Variants in ERG observed in about 807,000 individuals in gnomAD.
ERG encodes the protein transcriptional regulator ERG.
In ERG, 9 loss-of-function variants were observed where a neutral mutation model predicts 55.3. The ratio of observed to expected loss-of-function variants is 0.16; its 90% confidence interval spans 0.10 to 0.28. The LOEUF (loss-of-function observed/expected upper bound fraction) is 0.28. Among genes scored for constraint, ERG ranks in the 10% least tolerant of loss-of-function variants. The pLI, the probability that ERG is intolerant of heterozygous loss-of-function variation, is 1.00. For missense variants in ERG, 434 were observed against 631.6 expected, an observed-to-expected ratio of 0.69 and a Z score of 3.35; for synonymous variants, 223 against 237.3, an observed-to-expected ratio of 0.94 and a Z score of 0.55.
intron 3 of ERG, among the ~76,000 whole-genome samples, chr21:38,406,379 ACT>A (rs1400227882): frequency 1.8e-4 from 27 of 152,096 alleles, no homozygotes; most frequent in Non-Finnish European, 4.4e-5. Flanking sequence ...AGTTCAGATG[ACT>A]CTTCGTCATT....
Position 38,604,978 on chromosome 21 carries a change from C to T in ERG, c.-149-20033G>A, listed in dbSNP as rs955484824. Among the ~76,000 whole-genome samples, 4 of 152,318 alleles carry T rather than the reference C, an allele frequency of 2.6e-5. No individual in the cohort carries two copies. In the East Asian group the frequency reaches 7.7e-4, roughly 29 times the overall value. Reference sequence around the variant, plus strand: ...CTTCTTTCTAACTGAAGATTCTGCTCTCGTTCCCCTTAAAACAATCTTCAG... The same window carrying T: ...CTTCTTTCTAACTGAAGATTCTGCTTTCGTTCCCCTTAAAACAATCTTCAG... On this transcript the variant is annotated intron_variant, in intron 1 of 10. Coordinates refer to the ERG transcript ENST00000398910.
intron 2 of ERG, among the ~76,000 whole-genome samples, chr21:38,551,556 TTCA>T (rs920357262): frequency 3.3e-5 from 5 of 152,224 alleles, no homozygotes; most frequent in African/African-American, 1.2e-4. Flanking sequence ...TATCTTTGTT[TTCA>T]TTTGTTTCAA....
intron 2 of ERG, among the ~76,000 whole-genome samples, chr21:38,434,067 A>C (rs896137762): frequency 3.3e-5 from 5 of 152,026 alleles, no homozygotes; most frequent in Admixed American, 1.3e-4. Context: ...CCCATGTCCA[A>C]CCTAACCCCC....
chr21:38,449,134 A>G (rs1388321256), intron 1 of ERG: 1 of 152,222 alleles, frequency 6.6e-6, no homozygotes, highest in Non-Finnish European at 1.5e-5. Flanking sequence ...CAGTGGCTTT[A>G]TAACAGAGAA....
chr21:38,423,697 C>G (rs1290997932), intron 2 of ERG, 136 bp from the exon 3 acceptor site: 4 of 921,050 alleles, frequency 4.3e-6, no homozygotes, highest in Non-Finnish European at 6.4e-6. Flanking sequence ...GTGTGAAAAG[C>G]CAAATACAGG....
the ERG span, among the ~76,000 whole-genome samples, chr21:38,371,587 T>G: frequency 6.6e-6 from 1 of 152,062 alleles, no homozygotes; most frequent in Non-Finnish European, 1.5e-5. Context: ...AAGATATAGA[T>G]GCTTAATTTT....
intron 1 of ERG, among the ~76,000 whole-genome samples, chr21:38,580,954 G>T (rs972667450): frequency 1.3e-5 from 2 of 152,138 alleles, no homozygotes; most frequent in African/African-American, 4.8e-5. Context: ...CGGGTTAGGG[G>T]ATGCATATAG....
intron 3 of ERG, among the ~76,000 whole-genome samples, chr21:38,422,938 G>A (rs2146500651): frequency 6.6e-6 from 1 of 152,222 alleles, no homozygotes; most frequent in African/African-American, 2.4e-5. Context: ...AGGATATTTG[G>A]AACAATAATC....
At chr21:38,481,699 T>C (rs2059239957) in intron 1 of ERG, among the ~76,000 whole-genome samples, 1 of 152,222 alleles carries the variant, frequency 6.6e-6, no homozygotes, top group Non-Finnish European at 1.5e-5. Context: ...ATTTATATAA[T>C]AAGTACTGTG....
At chr21:38,375,045 C>G (rs1411377574), downstream of ERG, among the ~76,000 whole-genome samples, 1 of 152,152 alleles carries the variant, frequency 6.6e-6, no homozygotes, top group Non-Finnish European at 1.5e-5. Context: ...GTATGAGTAT[C>G]CTCATACTCA....
At chr21:38,505,510 T>C (rs1448659838) in intron 2 of ERG, among the ~76,000 whole-genome samples, 4 of 152,220 alleles carry the variant, frequency 2.6e-5, no homozygotes, top group African/African-American at 4.8e-5. Flanking sequence ...ACTGAAATGA[T>C]GATATCAGTA....
At chr21:38,435,045 C>G (rs1366459671) in intron 2 of ERG, among the ~76,000 whole-genome samples, 5 of 152,236 alleles carry the variant, frequency 3.3e-5, no homozygotes, top group South Asian at 2.1e-4. Context: ...GGTGAGGAAG[C>G]CACATGGAAG....
intron 2 of ERG, among the ~76,000 whole-genome samples, chr21:38,529,100 G>C (rs1243716406): frequency 6.6e-6 from 1 of 152,076 alleles, no homozygotes; most frequent in Admixed American, 6.6e-5. Flanking sequence ...CAGTGGTGCT[G>C]GAGGCAGGTG....
intron 1 of ERG, among the ~76,000 whole-genome samples, chr21:38,635,081 T>C (rs1282784074): frequency 6.6e-6 from 1 of 152,114 alleles, no homozygotes; most frequent in Non-Finnish European, 1.5e-5. Flanking sequence ...TCCAACTACA[T>C]GATATTCTAG....
chr21:38,475,717 T>C (rs1458699720), intron 1 of ERG, among the ~76,000 whole-genome samples: 1 of 152,136 alleles, frequency 6.6e-6, no homozygotes, highest in Non-Finnish European at 1.5e-5. Flanking sequence ...CTCCTAAGGC[T>C]CCTGACTTCC....
intron 2 of ERG, among the ~76,000 whole-genome samples, chr21:38,437,469 T>A (rs1076817): frequency 1.3e-5 from 2 of 152,038 alleles, no homozygotes; most frequent in Non-Finnish European, 2.9e-5. Context: ...GGGGGCCACA[T>A]CACGATGGTT....
chr21:38,575,831 A>G, intron 1 of ERG: 2 of 995,398 alleles, frequency 2.0e-6, no homozygotes, highest in Non-Finnish European at 3.0e-6. Flanking sequence ...GACACAATTC[A>G]CCAATGGCAA....
chr21:38,412,807 C>T (rs987871754), intron 3 of ERG, among the ~76,000 whole-genome samples: 1 of 152,122 alleles, frequency 6.6e-6, no homozygotes, highest in African/African-American at 2.4e-5. Flanking sequence ...GGGGAGATCT[C>T]TCTTCAGCTA....
At chr21:38,640,033 A>G (rs1014853115) in intron 1 of ERG, among the ~76,000 whole-genome samples, 1 of 152,188 alleles carries the variant, frequency 6.6e-6, no homozygotes, top group African/African-American at 2.4e-5. Context: ...GACCAAATTC[A>G]TTCTAACACA....
Sources: gnomAD v4.1 joint callset for allele counts (sites outside exome capture counted in the v4.1 genomes callset) on GRCh38, gnomAD v4.1.1 for gene constraint, MANE v1.5 for transcripts, NCBI Gene and HGNC (gene_info 2026-07-23, HGNC 2026-07-21) for gene names.